SHISA9: variants seen among roughly 807,000 people sequenced by gnomAD.
SHISA9 encodes the protein shisa family member 9.
SHISA9 carries 13 observed loss-of-function variants against 38.0 expected under a neutral mutation model. The ratio of observed to expected loss-of-function variants is 0.34; its 90% CI spans 0.22 to 0.54. SHISA9 has a LOEUF of 0.54. SHISA9 is among the 20% of genes least tolerant of loss of function. The pLI is 0.91. For missense variants in SHISA9, 538 were observed against 575.8 expected (o/e 0.93, Z 0.67); for synonymous variants, 275 against 242.0 (o/e 1.14, Z -1.27).
At chr16:13,406,053 C>T in the SHISA9 span, among the ~76,000 whole-genome samples, 9 of 151,754 alleles carry the variant, frequency 5.9e-5, no homozygotes, top group South Asian at 4.2e-4. Context: ...ACAGAATAAA[C>T]GACAACCTAC....
chr16:13,220,500 A>G (rs1165192594), intron 4 of SHISA9, among the ~76,000 whole-genome samples: 1 of 152,218 alleles, frequency 6.6e-6, no homozygotes, highest in Non-Finnish European at 1.5e-5. Context: ...CAAATCTCAT[A>G]ATTATCTACA....
At chr16:13,441,323 C>T in the SHISA9 span, among the ~76,000 whole-genome samples, 13 of 152,122 alleles carry the variant, frequency 8.5e-5, no homozygotes, top group Admixed American at 5.2e-4. Flanking sequence ...CACCAAATCC[C>T]AAGAATGGAA....
At chr16:13,259,265 G>A in the SHISA9 span, among the ~76,000 whole-genome samples, 1 of 152,224 alleles carries the variant, frequency 6.6e-6, no homozygotes, top group Admixed American at 6.5e-5. Flanking sequence ...TCCAGTTCAT[G>A]CTGATGCAAG....
chr16:13,198,953 G>T (rs2050977196), intron 2 of SHISA9, among the ~76,000 whole-genome samples: 1 of 152,170 alleles, frequency 6.6e-6, no homozygotes, highest in South Asian at 2.1e-4. Flanking sequence ...TGCCCCTGAG[G>T]TGTCTCAGGA....
At chr16:13,059,831 A>G (rs2073353352) in intron 2 of SHISA9, among the ~76,000 whole-genome samples, 1 of 152,134 alleles carries the variant, frequency 6.6e-6, no homozygotes, top group Non-Finnish European at 1.5e-5. Context: ...AGGAAAGGTG[A>G]TGTGAAGAGA....
At chr16:13,524,169 A>C in the SHISA9 span, among the ~76,000 whole-genome samples, 4 of 152,194 alleles carry the variant, frequency 2.6e-5, no homozygotes, top group African/African-American at 9.6e-5. Context: ...GAATCTTAGC[A>C]TCCAGGACAT....
At chr16:12,930,293 A>G (rs1627810) in intron 2 of SHISA9, among the ~76,000 whole-genome samples, 103,971 of 152,134 alleles carry the variant, frequency 0.68, 35,848 homozygotes, top group East Asian at 0.78. Flanking sequence ...TTGTCAATTC[A>G]TTGGGATCTT....
chr16:13,300,912 C>T, the SHISA9 span, among the ~76,000 whole-genome samples: 1 of 151,214 alleles, frequency 6.6e-6, no homozygotes, highest in Non-Finnish European at 1.5e-5. Context: ...CTCTTCCTCT[C>T]CCACCTCCTC....
At chr16:13,004,536 T>A (rs372460400) in intron 2 of SHISA9, among the ~76,000 whole-genome samples, 5 of 152,162 alleles carry the variant, frequency 3.3e-5, no homozygotes, top group Non-Finnish European at 1.5e-5. Flanking sequence ...TACAAAGAGA[T>A]CTCTTGATGC....
intron 2 of SHISA9, among the ~76,000 whole-genome samples, chr16:12,927,921 T>C (rs2071413841): frequency 6.6e-6 from 1 of 152,198 alleles, no homozygotes; most frequent in Non-Finnish European, 1.5e-5. Flanking sequence ...GTTTCAAAGA[T>C]GATTAAAAGT....
intron 2 of SHISA9, among the ~76,000 whole-genome samples, chr16:12,958,860 C>A (rs1405785562): frequency 1.3e-5 from 2 of 152,114 alleles, no homozygotes; most frequent in East Asian, 1.9e-4. Context: ...CTCCCCCCAC[C>A]CCCAGGTCTC....
chr16:13,541,443 G>A, the SHISA9 span, among the ~76,000 whole-genome samples: 1 of 152,142 alleles, frequency 6.6e-6, no homozygotes, highest in Non-Finnish European at 1.5e-5. Flanking sequence ...AGCCTTAACA[G>A]TTTACAAAGT....
chr16:13,304,458 G>A, the SHISA9 span, among the ~76,000 whole-genome samples: 17 of 152,126 alleles, frequency 1.1e-4, no homozygotes, highest in African/African-American at 3.9e-4. Flanking sequence ...GGGTTTTGCC[G>A]TGTTGCCCAG....
intron 2 of SHISA9, among the ~76,000 whole-genome samples, chr16:13,098,004 G>A (rs967562893): frequency 2.6e-5 from 4 of 152,094 alleles, no homozygotes; most frequent in East Asian, 1.9e-4. Context: ...CCACTGTGTC[G>A]GGTGCTTTAT....
chr16:13,017,655 T>C (rs2072773875), intron 2 of SHISA9, among the ~76,000 whole-genome samples: 1 of 152,178 alleles, frequency 6.6e-6, no homozygotes, highest in South Asian at 2.1e-4. Context: ...TGAATCTTTA[T>C]TCAGTGTAGG....
chr16:13,121,230 C>T (rs980059865), intron 2 of SHISA9, among the ~76,000 whole-genome samples: 21 of 152,026 alleles, frequency 1.4e-4, no homozygotes, highest in Admixed American at 6.6e-5. Context: ...GGCTCACGCC[C>T]GTAATCACAG....
chr16:13,212,737 G>A (rs1192154078), intron 3 of SHISA9, among the ~76,000 whole-genome samples: 1 of 152,108 alleles, frequency 6.6e-6, no homozygotes, highest in Non-Finnish European at 1.5e-5. Flanking sequence ...CCACCCCATG[G>A]GGCCTGTCAC....
intron 2 of SHISA9, among the ~76,000 whole-genome samples, chr16:13,190,911 T>G (rs1266826105): frequency 6.6e-6 from 1 of 152,142 alleles, no homozygotes; most frequent in South Asian, 2.1e-4. Context: ...ATATATGTGT[T>G]TTTTTTTCTT....
chr16:13,029,047 C>T (rs1394305733), intron 2 of SHISA9, among the ~76,000 whole-genome samples: 6 of 152,140 alleles, frequency 3.9e-5, no homozygotes, highest in African/African-American at 1.4e-4. Context: ...GGTCCCATTT[C>T]TCTCCTTTTA....
Sources: gnomAD v4.1 joint callset for allele counts (sites outside exome capture counted in the v4.1 genomes callset) on GRCh38, gnomAD v4.1.1 for gene constraint, MANE v1.5 for transcripts, NCBI Gene and HGNC (gene_info 2026-07-23, HGNC 2026-07-21) for gene names.